Variants in PLCG2 observed in about 807,000 individuals in gnomAD.
PLCG2 encodes the protein phospholipase C gamma 2, also known as 1-phosphatidylinositol 4,5-bisphosphate phosphodiesterase gamma-2.
Under a neutral mutation model 175.6 loss-of-function variants are expected in PLCG2, and 69 were observed. The observed-to-expected ratio is 0.39, with a 90% CI of 0.32 to 0.48. PLCG2 has a LOEUF of 0.48. Ranked by LOEUF, PLCG2 falls within the 20% of genes least tolerant of loss-of-function variation. The pLI, the probability that PLCG2 is intolerant of heterozygous loss-of-function variation, is 0.91. For missense variants in PLCG2, 1,798 were observed against 1,650.9 expected (o/e 1.09, Z -1.54); for synonymous variants, 827 against 624.0 (o/e 1.33, Z -4.85).
rs926101640 is a variant in PLCG2 at position 81,957,820 on chromosome 16, G to A, written c.3756-136G>A. 12 of 710,646 alleles carry A rather than the reference G, an allele frequency of 1.7e-5. No homozygotes were observed. In the South Asian group the frequency reaches 2.1e-4, roughly 13 times the overall value. 44.0% of individuals were successfully genotyped at this position (710,646 alleles called of 1,614,324 possible). On this transcript the variant is annotated intron_variant, in intron 32 of 32. Transcript: ENST00000564138. Reference sequence around the variant, plus strand: ...ACGTCTTACCAGGAACTTGGAGTCTGCCTCTCTGACACTCAGCCCTATACC... The same window carrying A: ...ACGTCTTACCAGGAACTTGGAGTCTACCTCTCTGACACTCAGCCCTATACC...
chr16:81,911,089 G>A (rs1397234205), intron 18 of PLCG2, among the ~76,000 whole-genome samples: 2 of 152,002 alleles, frequency 1.3e-5, no homozygotes, highest in Non-Finnish European at 2.9e-5. Flanking sequence ...AGAGTCTCCC[G>A]CTGATTTTTT....
intron 30 of PLCG2, among the ~76,000 whole-genome samples, 185 bp downstream of exon 30, chr16:81,940,244 T>A (rs1253008916): frequency 6.6e-6 from 1 of 152,068 alleles, no homozygotes; most frequent in Non-Finnish European, 1.5e-5. Flanking sequence ...AGGAAGTGGG[T>A]GACAGGGGAG....
At chr16:81,908,733 C>T (rs963600187) in intron 17 of PLCG2, 142 bp downstream of exon 17, 13 of 693,174 alleles carry the variant, frequency 1.9e-5, no homozygotes, top group African/African-American at 1.5e-4. Flanking sequence ...TCTTCTAGGC[C>T]GGGACAAGGG....
chr16:81,951,396 T>C (rs1464898155), intron 31 of PLCG2, among the ~76,000 whole-genome samples: 1 of 152,208 alleles, frequency 6.6e-6, no homozygotes, highest in Non-Finnish European at 1.5e-5. Context: ...CCTTAAAGAA[T>C]GTAAATAGGC....
chr16:81,942,122 T>C (rs1284562538), intron 30 of PLCG2, among the ~76,000 whole-genome samples: 4 of 152,174 alleles, frequency 2.6e-5, no homozygotes, highest in Non-Finnish European at 5.9e-5. Context: ...GTTCCTCTAC[T>C]GAACTCATCC....
At chr16:81,932,040 C>G (rs1910524435) in intron 25 of PLCG2, among the ~76,000 whole-genome samples, 1 of 152,218 alleles carries the variant, frequency 6.6e-6, no homozygotes, top group African/African-American at 2.4e-5. Context: ...GTTCACTGAG[C>G]TCACCTGCCT....
At chr16:81,740,023 A>T (rs1381004538) in intron 1 of PLCG2, among the ~76,000 whole-genome samples, 1 of 151,410 alleles carries the variant, frequency 6.6e-6, no homozygotes, top group African/African-American at 2.4e-5. Context: ...CTGCAATCAC[A>T]GTTACTCGGG....
chr16:81,799,715 C>A (rs1329631848), intron 2 of PLCG2, among the ~76,000 whole-genome samples: 2 of 151,946 alleles, frequency 1.3e-5, no homozygotes, highest in African/African-American at 4.8e-5. Context: ...GCCTCAACCT[C>A]CCGAGTAGCT....
chr16:81,790,396 C>T (rs570737711), intron 2 of PLCG2, among the ~76,000 whole-genome samples: 1 of 152,288 alleles, frequency 6.6e-6, no homozygotes, highest in East Asian at 1.9e-4. Context: ...CAGGGAAAGC[C>T]AATTATGTGT....
chr16:81,833,706 A>G (rs772637349), intron 2 of PLCG2, among the ~76,000 whole-genome samples: 1 of 151,520 alleles, frequency 6.6e-6, no homozygotes, highest in Non-Finnish European at 1.5e-5. Flanking sequence ...ATTATTATAT[A>G]TATTTTTTTG....
chr16:81,912,464 T>G (rs1478073526), intron 18 of PLCG2, 133 bp from the exon 19 acceptor site: 1 of 1,063,846 alleles, frequency 9.4e-7, no homozygotes, highest in Non-Finnish European at 1.3e-6. Context: ...GGAAGCCCAC[T>G]GTGTGATTTC....
At chr16:81,832,819 C>G (rs948434343) in intron 2 of PLCG2, among the ~76,000 whole-genome samples, 2 of 152,240 alleles carry the variant, frequency 1.3e-5, no homozygotes, top group Non-Finnish European at 2.9e-5. Flanking sequence ...GCCATCCTTG[C>G]AGCTAGTGGG....
chr16:81,750,240 T>C (rs1038499189), intron 1 of PLCG2, among the ~76,000 whole-genome samples: 9 of 151,998 alleles, frequency 5.9e-5, no homozygotes, highest in Non-Finnish European at 1.3e-4. Flanking sequence ...AAATTCCATC[T>C]CTGCTAAAAA....
intron 13 of PLCG2, among the ~76,000 whole-genome samples, chr16:81,899,379 G>C (rs985333913): frequency 6.6e-6 from 1 of 151,196 alleles, no homozygotes; most frequent in African/African-American, 2.4e-5. Context: ...ATACATACAC[G>C]TTCACATGAT....
chr16:81,868,658 A>C lies in PLCG2; in HGVS notation c.480-556A>C, dbSNP rs1009656779. Among the ~76,000 whole-genome samples, 2 of 152,256 alleles carry C rather than the reference A, an allele frequency of 1.3e-5. 1 individual carries two copies. The highest frequency in any genetic ancestry group is 6.3e-3 in the Middle Eastern group (2 of 316). On this transcript the variant is annotated intron_variant, in intron 5 of 32. Transcript: ENST00000564138. ...CTTCATTGAATTTCTTCACTTTGAC[A>C]TTCAGAGTCCTGGGCAGAAATCACA...
rs184495733 is a variant in PLCG2 at position 81,806,618 on chromosome 16, G to A, written c.193+20436G>A. ...TGATCATAGGATAGCCTGCAGACAT[G>A]TGATTCGTGTCTTGTAAGTTGTAAC... On this transcript the variant is annotated intron_variant, in intron 2 of 32. Transcript: ENST00000564138. 8.5e-5 allele frequency among the ~76,000 whole-genome samples: 13 copies of A among 152,208 alleles called. No homozygotes were observed. The East Asian group carries it at 2.5e-3, about 29-fold the overall frequency.
intron 5 of PLCG2, among the ~76,000 whole-genome samples, chr16:81,859,565 C>A (rs959864993): frequency 1.2e-4 from 18 of 151,272 alleles, no homozygotes; most frequent in African/African-American, 3.6e-4. Flanking sequence ...GACGGAGTCT[C>A]GCTCTTTCGC....
chr16:81,888,953 G>A (rs914121224), intron 9 of PLCG2, among the ~76,000 whole-genome samples: 4 of 152,118 alleles, frequency 2.6e-5, no homozygotes, highest in East Asian at 1.9e-4. Context: ...GGCTCAGAGA[G>A]CCCAAAATAT....
At position 81,960,965 on chromosome 16, in the gene PLCG2, C is replaced by T. The variant is rs576252546; in HGVS notation, c.*2967C>T. On this transcript the variant is annotated 3_prime_UTR_variant, in exon 33 of 33. Coordinates refer to ENST00000564138, the MANE Select transcript of PLCG2 (RefSeq NM_002661.5). ...CTTACAAAAGAAAATATGGCTGTCT[C>T]CACCTCTAGTCTTACTGTAGAGCAT... 1 of 229,636 alleles carries T rather than the reference C, an allele frequency of 4.4e-6. No individual in the cohort carries two copies. The highest frequency in any genetic ancestry group is 1.8e-4 in the South Asian group (1 of 5,508). 14.2% of individuals were successfully genotyped at this position (229,636 alleles called of 1,614,324 possible).
Sources: allele counts gnomAD v4.1 joint callset (sites outside exome capture counted in the v4.1 genomes callset), GRCh38; gene constraint gnomAD v4.1.1; transcripts MANE v1.5; gene names NCBI Gene and HGNC (gene_info 2026-07-23, HGNC 2026-07-21).